The following GREB1 variants were observed in gnomAD, a reference collection of about 807,000 sequenced individuals.
GREB1 encodes growth regulating estrogen receptor binding 1, also known as protein GREB1.
GREB1 carries 106 observed loss-of-function variants against 200.7 expected under a neutral mutation model. That is an observed-to-expected ratio of 0.53 (90% CI 0.45 to 0.62). The LOEUF (loss-of-function observed/expected upper bound fraction) is 0.62, where lower values mean the gene tolerates loss of function less well. Ranked by LOEUF, GREB1 falls within the 20% of genes least tolerant of loss-of-function variation. The pLI is 0.00. For missense variants in GREB1, 2,243 were observed against 2,556.8 expected (o/e 0.88, Z 2.65); for synonymous variants, 1,132 against 1,092.4 (o/e 1.04, Z -0.72).
upstream of GREB1, among the ~76,000 whole-genome samples, chr2:11,530,565 C>CAAAAAAAAAAAAAAAAAAAAAAAAAA (rs34552685): frequency 1.0e-5 from 1 of 97,104 alleles, no homozygotes; most frequent in Non-Finnish European, 2.0e-5. Flanking sequence ...GACTCGGTCT[C>CAAAAAAAAAAAAAAAAAAAAAAAAAA]AAAAAAAAAA....
chr2:11,632,160 A>T, intron 27 of GREB1, 47 bp downstream of exon 27: 1 of 1,350,344 alleles, frequency 7.4e-7, no homozygotes, highest in Non-Finnish European at 1.1e-6. Flanking sequence ...CCTGTGAACG[A>T]ACACTTGAGA....
chr2:11,580,857 C>T lies in GREB1; in HGVS notation c.901+25C>T. 1 of 1,614,138 alleles carries T rather than the reference C, an allele frequency of 6.2e-7. No individual in the cohort carries two copies. The highest frequency in any genetic ancestry group is 8.5e-7 in the Non-Finnish European group (1 of 1,179,976). On this transcript the variant is annotated intron_variant, in intron 7 of 32. Coordinates refer to ENST00000381486, the MANE Select transcript of GREB1 (RefSeq NM_014668.4). The surrounding 1 kb of genome is among the most constrained non-coding windows in gnomAD (Gnocchi z 4.5). Reference sequence around the variant, plus strand: ...GGTAGCTCTGCCTGTCCTGGCCGTCCTGGGGATCCTGCTCTTCTTTGGGCC... The same window carrying T: ...GGTAGCTCTGCCTGTCCTGGCCGTCTTGGGGATCCTGCTCTTCTTTGGGCC...
At chr2:11,638,073 A>G (rs1175950120) in intron 31 of GREB1, among the ~76,000 whole-genome samples, 157 bp downstream of exon 31, 1 of 152,186 alleles carries the variant, frequency 6.6e-6, no homozygotes, top group Non-Finnish European at 1.5e-5. Context: ...GAGAACTGAG[A>G]TGCTTTGCCT....
intron 1 of GREB1, among the ~76,000 whole-genome samples, chr2:11,483,728 GTGTGT>G (rs1672577487): frequency 1.4e-5 from 2 of 145,414 alleles, no homozygotes; most frequent in Admixed American, 1.4e-4. Context: ...GTGTGTGTGT[GTGTGT>G]GGCCCGGCCA....
chr2:11,618,636 G>A lies in GREB1; in HGVS notation c.3761G>A (p.Arg1254His), dbSNP rs756800770. Residue 1254 changes from arginine (R) to histidine (H), a missense_variant, in exon 22 of 33, where the codon CGC (arginine) becomes CAC (histidine). Around this residue, in one of 3 missense-constraint regions of GREB1, gnomAD observed 587 missense variants for 553.1 expected, o/e 1.06. Coordinates refer to ENST00000381486, the MANE Select transcript of GREB1 (RefSeq NM_014668.4). ...CAGTGCTCCTTGACCAAGGCCTGCC[G>A]CCAGCCACCCATTGTCTTCTTGCCC... ...ASQCSLTKACRQPPIVFLPKL... is the reference protein window; with the variant it reads ...ASQCSLTKACHQPPIVFLPKL... The A allele has an allele frequency of 4.1e-5, 66 of 1,613,322 alleles. No homozygotes were observed. The highest frequency in any genetic ancestry group is 2.9e-4 in the South Asian group (26 of 91,064).
Position 11,527,081 on chromosome 2 carries a change from C to A in GREB1, c.-158-29376C>A, listed in dbSNP as rs540861965. Among the ~76,000 whole-genome samples, 8 of 152,328 alleles carry A rather than the reference C, an allele frequency of 5.3e-5. No individual in the cohort carries two copies. In the South Asian group the frequency reaches 1.4e-3, roughly 28 times the overall value. On this transcript the variant is annotated intron_variant, in intron 1 of 2. Coordinates refer to the GREB1 transcript ENST00000628795. The stretch of plus-strand genomic sequence containing the variant: ...TATTTATGATTTAGATAGCCCAATT[C>A]AATGTATACATCACTATAGTCATGT...
At chr2:11,599,980 A>T (rs1235359654) in intron 15 of GREB1, among the ~76,000 whole-genome samples, 1 of 152,170 alleles carries the variant, frequency 6.6e-6, no homozygotes. Context: ...GTACCTTCAG[A>T]CATTTCCACT....
rs1200026715 is a variant in GREB1, at chr2:11,584,227, T to C, written c.902-934T>C. On this transcript the variant is annotated intron_variant, in intron 7 of 32. Transcript: ENST00000381486. ...GAATCTCTGCATGTAGGGGAAATTTTGTGTCTGGTTAGTCAAGAAACTATG... is the reference window on the plus strand; with the variant it reads ...GAATCTCTGCATGTAGGGGAAATTTCGTGTCTGGTTAGTCAAGAAACTATG... Among the ~76,000 whole-genome samples, 11 of 152,214 alleles carry C rather than the reference T, an allele frequency of 7.2e-5. 1 individual carries two copies. Among genetic ancestry groups the C allele is most frequent in the Admixed American group, 7.2e-4 (11 of 15,284 alleles).
intron 31 of GREB1, 121 bp downstream of exon 31, chr2:11,638,037 C>G (rs1685522435): frequency 1.2e-6 from 1 of 836,022 alleles, no homozygotes; most frequent in South Asian, 1.6e-5. Flanking sequence ...GTTGACCCCA[C>G]TTTGTAGGTT....
At chr2:11,623,846 G>T (rs1230422652) in intron 23 of GREB1, among the ~76,000 whole-genome samples, 1 of 152,130 alleles carries the variant, frequency 6.6e-6, no homozygotes, top group African/African-American at 2.4e-5. Context: ...CTGAGATGGT[G>T]CCACTCCATC....
chr2:11,598,670 T>A lies in GREB1; in HGVS notation c.2153-10T>A. ...TTTGCAGTTACTGATGTATGTTCTT[T>A]GTGTTGCAGGGGTTTTGCTGGAGCT... On this transcript the variant is annotated splice_polypyrimidine_tract_variant and intron_variant, in intron 14 of 32. Coordinates refer to ENST00000381486, the MANE Select transcript of GREB1 (RefSeq NM_014668.4). The A allele has an allele frequency of 3.1e-6, 5 of 1,613,470 alleles. No individual in the cohort carries two copies. The highest frequency in any genetic ancestry group is 1.3e-5 in the African/African-American group (1 of 75,028).
intron 1 of GREB1, among the ~76,000 whole-genome samples, chr2:11,541,891 C>T (rs944066531): frequency 2.6e-5 from 4 of 152,182 alleles, no homozygotes; most frequent in Non-Finnish European, 5.9e-5. Context: ...GCCTTGTATA[C>T]GTTCTGCCTG....
At chr2:11,606,790 TTATTA>T (rs1335738833) in intron 17 of GREB1, among the ~76,000 whole-genome samples, 1 of 111,998 alleles carries the variant, frequency 8.9e-6, no homozygotes, top group Non-Finnish European at 2.0e-5. Context: ...ATTATTATTA[TTATTA>T]TTATTTGAGA....
At chr2:11,598,890 A>G (rs1359558308) in intron 15 of GREB1, 30 bp downstream of exon 15, 1 of 1,585,340 alleles carries the variant, frequency 6.3e-7, no homozygotes. Context: ...TGACAAGTTG[A>G]CATTTTCCTT....
rs1042320021 is a variant in GREB1, at chr2:11,617,033, G to C, written c.3412+313G>C. Among the ~76,000 whole-genome samples the C allele has an allele frequency of 1.7e-4, 26 of 152,308 alleles. No homozygotes were observed. The South Asian group carries it at 5.4e-3, about 32-fold the overall frequency. Reference sequence around the variant, plus strand: ...CTGGCCGTGTTAGGGGCGGGTCCCCGGGTGTTCTCCCTGCCGTTGTTGGTT... The same window carrying C: ...CTGGCCGTGTTAGGGGCGGGTCCCCCGGTGTTCTCCCTGCCGTTGTTGGTT... On this transcript the variant is annotated intron_variant, in intron 21 of 32. Transcript: ENST00000381486.
chr2:11,516,397 C>G (rs1673503054), intron 1 of GREB1, among the ~76,000 whole-genome samples: 1 of 151,832 alleles, frequency 6.6e-6, no homozygotes, highest in African/African-American at 2.4e-5. Context: ...TGGTGCCGTC[C>G]TCAGCTGGAC....
chr2:11,588,303 C>T, intron 9 of GREB1: 1 of 1,114,528 alleles, frequency 9.0e-7, no homozygotes, highest in Non-Finnish European at 1.1e-6. Flanking sequence ...GCCAGACAGC[C>T]CTGGGAGAAT....
chr2:11,544,745 C>T (rs1000832508), intron 1 of GREB1, among the ~76,000 whole-genome samples: 1 of 152,146 alleles, frequency 6.6e-6, no homozygotes, highest in African/African-American at 2.4e-5. Context: ...GTCCTGCCCC[C>T]CTGTTTGCCT....
intron 18 of GREB1, among the ~76,000 whole-genome samples, chr2:11,611,899 A>G (rs1227650013): frequency 6.6e-6 from 1 of 152,200 alleles, no homozygotes; most frequent in Non-Finnish European, 1.5e-5. Flanking sequence ...CAGGCAAGAC[A>G]TAAGGAACAG....
Sources: allele counts gnomAD v4.1 joint callset (sites outside exome capture counted in the v4.1 genomes callset), GRCh38; gene constraint gnomAD v4.1.1; regional missense constraint gnomAD v4.1.1; non-coding constraint Gnocchi (gnomAD v3.1); transcripts MANE v1.5; gene names NCBI Gene and HGNC (gene_info 2026-07-23, HGNC 2026-07-21).